The following MIGA2 variants were observed in gnomAD, a reference collection of about 807,000 sequenced individuals.
MIGA2 encodes family with sequence similarity 73, member B.
MIGA2 carries 36 observed loss-of-function variants against 69.9 expected under a neutral mutation model. That is an observed-to-expected ratio of 0.52 (90% CI 0.39 to 0.68). The LOEUF (loss-of-function observed/expected upper bound fraction) is 0.68, where lower values mean the gene tolerates loss of function less well. MIGA2 is among the 30% of genes least tolerant of loss of function. The pLI is 0.00. For synonymous variants in MIGA2, 333 were observed against 349.2 expected, an observed-to-expected ratio of 0.95 and a Z score of 0.52; for missense variants, 660 against 787.7, an observed-to-expected ratio of 0.84 and a Z score of 1.94.
chr9:129,067,993 A>G, intron 12 of MIGA2, 122 bp downstream of exon 12: 1 of 1,293,350 alleles, frequency 7.7e-7, no homozygotes, highest in Non-Finnish European at 1.1e-6. Context: ...CACTGCTCAT[A>G]GTCCCCGGTT....
chr9:129,071,257 G>C lies in MIGA2; in HGVS notation c.*804G>C, dbSNP rs1221633759. 1 of 152,424 alleles carries C rather than the reference G, an allele frequency of 6.6e-6. No individual in the cohort carries two copies. Among genetic ancestry groups the C allele is most frequent in the Non-Finnish European group, 1.5e-5 (1 of 68,244 alleles). 9.4% of individuals were successfully genotyped at this position (152,424 alleles called of 1,614,324 possible). On this transcript the variant is annotated 3_prime_UTR_variant, in exon 16 of 16. Transcript: ENST00000684074. ...CAGGCCCCTGTCACCTGTGGGCCCG[G>C]GGACCACTTGGGGGAGGTCAGAGGA... is the stretch of plus-strand genomic sequence containing the variant.
rs770055898 is a variant in MIGA2 at position 129,063,598 on chromosome 9, G to A, written c.1137G>A (p.Gln379=). Residue 379 remains glutamine (Q), a synonymous_variant, in exon 11 of 16, where the codon CAG becomes CAA. Transcript: ENST00000684074. The stretch of plus-strand genomic sequence containing the variant: ...TTTTCTTCGGGAAAGTGGGCCGACA[G>A]ATGGTGACAGGCCTGATGACCAAGG... ...NQLFFGKVGR[Q]MVTGLMTKAE... is the part of the protein sequence containing the mutation. 6.7e-7 allele frequency: 1 copy of A among 1,491,702 alleles called. No individual in the cohort carries two copies. Among genetic ancestry groups the A allele is most frequent in the Non-Finnish European group, 9.1e-7 (1 of 1,100,158 alleles). 92.4% of individuals were successfully genotyped at this position (1,491,702 alleles called of 1,614,324 possible).
At chr9:129,070,165 G>C in intron 15 of MIGA2, 82 bp from the exon 16 acceptor site, 1 of 1,503,886 alleles carries the variant, frequency 6.6e-7, no homozygotes, top group Non-Finnish European at 9.2e-7. Context: ...TCTGGTGGTG[G>C]ACAAGGGGAC....
rs1846010020 is a variant in MIGA2, at chr9:129,060,509, T to TG, written c.794-37dup. The TG allele has an allele frequency of 4.7e-6, 7 of 1,478,520 alleles. No homozygotes were observed. The highest frequency in any genetic ancestry group is 1.4e-5 in the African/African-American group (1 of 71,838). 91.6% of individuals were successfully genotyped at this position (1,478,520 alleles called of 1,614,324 possible). ...ACCGGGATTCCAGCTGAGCACTGTG[T>TG]GGGGAGTCTCAGCCCCGCTTTCTCT... On this transcript the variant is annotated intron_variant, in intron 7 of 15. Coordinates refer to ENST00000684074, the MANE Select transcript of MIGA2 (RefSeq NM_001329990.2). This position sits in a 1 kb window ranked among gnomAD's most constrained non-coding sequence, Gnocchi z 4.8.
intron 1 of MIGA2, among the ~76,000 whole-genome samples, chr9:129,039,180 TGTGTGTG>T (rs1564597328): frequency 4.1e-5 from 4 of 96,714 alleles, no homozygotes; most frequent in African/African-American, 3.1e-4. Flanking sequence ...TTTGTTTGTG[TGTGTGTG>T]TGTGTGTGTG....
chr9:129,067,310 G>A (rs910060470), intron 11 of MIGA2, among the ~76,000 whole-genome samples: 9 of 152,230 alleles, frequency 5.9e-5, no homozygotes, highest in African/African-American at 7.2e-5. Flanking sequence ...CCTCCGTGCC[G>A]TGCAGCGGCA....
chr9:129,068,062 A>T lies in MIGA2; in HGVS notation c.1270-136A>T. 7.3e-7 allele frequency: 1 copy of T among 1,370,420 alleles called. No individual in the cohort carries two copies. The highest frequency in any genetic ancestry group is 1.0e-6 in the Non-Finnish European group (1 of 969,472). 84.9% of individuals were successfully genotyped at this position (1,370,420 alleles called of 1,614,324 possible). On this transcript the variant is annotated intron_variant, in intron 12 of 15. Transcript: ENST00000684074. The surrounding 1 kb of genome is among the most constrained non-coding windows in gnomAD (Gnocchi z 4.1). ...ATGGCCTCAGCTACACCCGTTGCAC[A>T]GCAGAGCGGGAAAGACGTGTCCCCC...
At chr9:129,056,966 G>A (rs867655884) in intron 6 of MIGA2, among the ~76,000 whole-genome samples, 21 of 151,976 alleles carry the variant, frequency 1.4e-4, no homozygotes, top group Admixed American at 7.2e-4. Context: ...CCTGGGAGTT[G>A]GAAGTTGCAG....
At chr9:129,063,524 C>T in intron 10 of MIGA2, 21 bp from the exon 11 acceptor site, 1 of 1,613,316 alleles carries the variant, frequency 6.2e-7, no homozygotes, top group Non-Finnish European at 8.5e-7. Context: ...AGCTCACTCC[C>T]CTCCCTTCCT....
chr9:129,069,046 C>T lies in MIGA2; in HGVS notation c.1405-30C>T. 6.2e-7 allele frequency: 1 copy of T among 1,613,758 alleles called. No individual in the cohort carries two copies. The highest frequency in any genetic ancestry group is 1.3e-5 in the African/African-American group (1 of 75,034). ...GGGCTGTGGGCTAGGCCCATTTTGA[C>T]ACCCGGGGGACATCCTATTTTTGAT... On this transcript the variant is annotated intron_variant, in intron 13 of 15. Coordinates refer to ENST00000684074, the MANE Select transcript of MIGA2 (RefSeq NM_001329990.2). This position sits in a 1 kb window ranked among gnomAD's most constrained non-coding sequence, Gnocchi z 4.9.
chr9:129,042,115 T>C lies in MIGA2; in HGVS notation c.97-189T>C, dbSNP rs17485807. 7.8e-5 allele frequency: 48 copies of C among 613,456 alleles called. 2 individuals are homozygous for C. The highest frequency in any genetic ancestry group is 6.3e-4 in the African/African-American group (34 of 53,964). The allele number at this position is 613,456 out of a possible 1,614,324, so 38.0% of individuals were successfully genotyped here. ...TGGCATCTTGCCATCTTTATGTTTT[T>C]GTGGCCTGTGTTTCAGGGAGGCTGG... On this transcript the variant is annotated intron_variant, in intron 2 of 15. Coordinates refer to ENST00000684074, the MANE Select transcript of MIGA2 (RefSeq NM_001329990.2).
At chr9:129,039,634 C>G (rs1212520797) in intron 1 of MIGA2, among the ~76,000 whole-genome samples, 3 of 152,182 alleles carry the variant, frequency 2.0e-5, no homozygotes, top group Admixed American at 6.6e-5. Flanking sequence ...TCTCAGCTCA[C>G]TGCAACCTCT....
Position 129,040,567 on chromosome 9 carries a change from G to C in MIGA2, c.-28G>C. 1.9e-6 allele frequency: 3 copies of C among 1,601,522 alleles called. No individual in the cohort carries two copies. Among genetic ancestry groups the C allele is most frequent in the Non-Finnish European group, 2.6e-6 (3 of 1,171,106 alleles). ...TCTCCTTGGAAGCTCTTGGCCCTGAGGACTTTGCCTGGGGCATTGGCCCTG... is the reference window on the plus strand; with the variant it reads ...TCTCCTTGGAAGCTCTTGGCCCTGACGACTTTGCCTGGGGCATTGGCCCTG... On this transcript the variant is annotated 5_prime_UTR_variant, in exon 2 of 16. Coordinates refer to ENST00000684074, the MANE Select transcript of MIGA2 (RefSeq NM_001329990.2).
At chr9:129,057,039 A>C (rs28737771) in intron 6 of MIGA2, among the ~76,000 whole-genome samples, 1 of 151,976 alleles carries the variant, frequency 6.6e-6, no homozygotes, top group Non-Finnish European at 1.5e-5. Context: ...ATCTCAAAAA[A>C]GAAAAAAAGA....
At chr9:129,063,207 G>A (rs760739511) in intron 9 of MIGA2, 37 bp from the exon 10 acceptor site, 1 of 1,612,390 alleles carries the variant, frequency 6.2e-7, no homozygotes, top group South Asian at 1.1e-5. Context: ...CGCTGGGCAG[G>A]GACCAGGTTG....
At chr9:129,043,384 CTTTTT>C (rs60096838) in intron 3 of MIGA2, among the ~76,000 whole-genome samples, 1 of 128,344 alleles carries the variant, frequency 7.8e-6, no homozygotes, top group African/African-American at 3.0e-5. Flanking sequence ...TCTGTTCTCT[CTTTTT>C]TTTTTTTTTT....
At chr9:129,066,228 C>T (rs1846333991) in intron 11 of MIGA2, among the ~76,000 whole-genome samples, 1 of 152,176 alleles carries the variant, frequency 6.6e-6, no homozygotes, top group African/African-American at 2.4e-5. Context: ...AGCCAGGTGG[C>T]CCGGACCCAG....
chr9:129,043,575 C>T (rs565662396), intron 3 of MIGA2, among the ~76,000 whole-genome samples: 149 of 151,726 alleles, frequency 9.8e-4, no homozygotes, highest in African/African-American at 3.3e-3. Context: ...TTAGTAGAGA[C>T]GGGATTTCGC....
At position 129,049,934 on chromosome 9, in the gene MIGA2, C is replaced by G. The variant is rs1274359426; in HGVS notation, c.646C>G (p.Pro216Ala). The change falls in exon 6 of 16, where the codon CCA (proline) becomes GCA (alanine). Residue 216 changes from proline to alanine, a missense_variant. Transcript: ENST00000684074. ...CATGCCCAGGGACGGCCTCCGGAAC[C>G]CAGAGACTGCATCAGAGCCACTGTC... ...TPMPRDGLRN[P>A]ETASEPLSEP... The G allele has an allele frequency of 1.9e-6, 3 of 1,613,620 alleles. No individual in the cohort carries two copies. The South Asian group carries it at 3.3e-5, about 18-fold the overall frequency.
Sources: allele counts gnomAD v4.1 joint callset (sites outside exome capture counted in the v4.1 genomes callset), GRCh38; gene constraint gnomAD v4.1.1; non-coding constraint Gnocchi (gnomAD v3.1); transcripts MANE v1.5; gene names NCBI Gene and HGNC (gene_info 2026-07-23, HGNC 2026-07-21).